The following GTF3C4 variants were observed in gnomAD, a reference collection of about 807,000 sequenced individuals.
The protein encoded by GTF3C4 is general transcription factor IIIC subunit 4.
GTF3C4 carries 28 observed loss-of-function variants against 67.5 expected under a neutral mutation model. The observed-to-expected ratio is 0.41, with a 90% CI of 0.31 to 0.57. GTF3C4 has a LOEUF of 0.57. Among genes scored for constraint, GTF3C4 ranks in the 20% least tolerant of loss-of-function variants. GTF3C4 has a pLI of 0.21. For missense variants in GTF3C4, 831 were observed against 1,033.2 expected, an observed-to-expected ratio of 0.80 and a Z score of 2.68; for synonymous variants, 409 against 393.0, an observed-to-expected ratio of 1.04 and a Z score of -0.48.
intron 1 of GTF3C4, among the ~76,000 whole-genome samples, chr9:132,671,323 C>T (rs888492243): frequency 1.3e-5 from 2 of 152,150 alleles, no homozygotes; most frequent in African/African-American, 4.8e-5. Flanking sequence ...CGGGGCCTGC[C>T]TCTGTCGTTG....
intron 4 of GTF3C4, 132 bp downstream of exon 4, chr9:132,687,459 G>T (rs1237020008): frequency 3.6e-6 from 2 of 557,308 alleles, no homozygotes; most frequent in Non-Finnish European, 6.8e-6. Flanking sequence ...GGGGTGGGGA[G>T]TAGGCCCCTG....
In GTF3C4 at chr9:132,679,747, C is replaced by T. The variant is rs528646416; in HGVS notation, c.2128C>T (p.Arg710Cys). The T allele has an allele frequency of 2.0e-5, 33 of 1,613,818 alleles. No homozygotes were observed. Among genetic ancestry groups the T allele is most frequent in the South Asian group, 1.9e-4 (17 of 91,060 alleles). ...WITENTSIPT[R>C]GLCNFLMSDE... ...CACAGAAAACACTAGCATCCCCACC[C>T]GCGGACTCTGTAACTTTTTAATGTC... The change falls in exon 2 of 5, where the codon CGC becomes TGC. Residue 710 changes from arginine (R) to cysteine (C), a missense_variant. Coordinates refer to ENST00000372146, the MANE Select transcript of GTF3C4 (RefSeq NM_012204.4). This position sits in a 1 kb window ranked among gnomAD's most constrained non-coding sequence, Gnocchi z 5.9.
upstream of GTF3C4, chr9:132,670,190 C>T (rs968189315): frequency 1.1e-5 from 17 of 1,584,588 alleles, no homozygotes; most frequent in Non-Finnish European, 1.4e-5. Context: ...TTACATTCGG[C>T]CGAGAGTTCA....
At position 132,678,283 on chromosome 9, in the gene GTF3C4, A is replaced by G; in HGVS notation, c.664A>G (p.Arg222Gly). Residue 222 changes from arginine (R) to glycine (G), a missense_variant, in exon 2 of 5, where the codon AGG (arginine) becomes GGG (glycine). By Grantham distance (125) the Arg-to-Gly change is moderately radical. Transcript: ENST00000372146. The surrounding 1 kb of genome is among the most constrained non-coding windows in gnomAD (Gnocchi z 6.5). ...AGAACGTCTTTATGAGACCAGTTAC[A>G]GGCTCTCTAAAAATGAGGCCCCGGA... Reference protein sequence around the residue: ...YGERLYETSYRLSKNEAPEGN... With the variant: ...YGERLYETSYGLSKNEAPEGN... The G allele has an allele frequency of 6.2e-7, 1 of 1,614,174 alleles. No individual in the cohort carries two copies. Among genetic ancestry groups the G allele is most frequent in the East Asian group, 2.2e-5 (1 of 44,884 alleles).
chr9:132,678,289 T>C lies in GTF3C4; in HGVS notation c.670T>C (p.Ser224Pro). 2 of 1,614,176 alleles carry C rather than the reference T, an allele frequency of 1.2e-6. No individual in the cohort carries two copies. The highest frequency in any genetic ancestry group is 1.7e-6 in the Non-Finnish European group (2 of 1,180,028). Residue 224 changes from serine to proline, a missense_variant, in exon 2 of 5, where the codon TCT becomes CCT. Ser to Pro is a moderately conservative substitution (Grantham distance 74, BLOSUM62 -1). Transcript: ENST00000372146. This position sits in a 1 kb window ranked among gnomAD's most constrained non-coding sequence, Gnocchi z 6.5. ...ERLYETSYRLSKNEAPEGNLG... is the reference protein window; with the variant it reads ...ERLYETSYRLPKNEAPEGNLG... ...TCTTTATGAGACCAGTTACAGGCTC[T>C]CTAAAAATGAGGCCCCGGAAGGAAA...
intron 1 of GTF3C4, among the ~76,000 whole-genome samples, chr9:132,674,419 C>T (rs1310807393): frequency 1.3e-5 from 2 of 152,172 alleles, no homozygotes; most frequent in Non-Finnish European, 2.9e-5. Flanking sequence ...ACACAAAACC[C>T]TAAGACTTTT....
chr9:132,670,147 G>T (rs1199901250), upstream of GTF3C4: 1 of 1,593,644 alleles, frequency 6.3e-7, no homozygotes, highest in Non-Finnish European at 8.6e-7. Context: ...CCTGGTGGCA[G>T]CCCCTCTCTG....
Position 132,680,772 on chromosome 9 carries a change from G to A in GTF3C4, c.2184+969G>A, listed in dbSNP as rs114767428. Among the ~76,000 whole-genome samples, 923 of 152,318 alleles carry A rather than the reference G, an allele frequency of 6.1e-3. 7 individuals carry two copies. The highest frequency in any genetic ancestry group is 0.021 in the African/African-American group (866 of 41,570). On this transcript the variant is annotated intron_variant, in intron 2 of 4. Coordinates refer to ENST00000372146, the MANE Select transcript of GTF3C4 (RefSeq NM_012204.4). ...TAGAATGTTTGCAATGGTCTTAAGA[G>A]TATTAAGATGCACTGTTCATGTAAC... is the stretch of plus-strand genomic sequence containing the variant.
rs147244890 is a variant in GTF3C4, at chr9:132,684,360, A to T, written c.2315+667A>T. Among the ~76,000 whole-genome samples the T allele has an allele frequency of 1.1e-3, 164 of 152,286 alleles. 1 individual carries two copies. Among genetic ancestry groups the T allele is most frequent in the African/African-American group, 3.9e-3 (163 of 41,564 alleles). ...TCCAACCTTTTGTTCCTACCTCTGCAGCCCTGGTCCAAAACACCATCATCT... is the reference window on the plus strand; with the variant it reads ...TCCAACCTTTTGTTCCTACCTCTGCTGCCCTGGTCCAAAACACCATCATCT... On this transcript the variant is annotated intron_variant, in intron 3 of 4. Coordinates refer to ENST00000372146, the MANE Select transcript of GTF3C4 (RefSeq NM_012204.4).
intron 3 of GTF3C4, among the ~76,000 whole-genome samples, chr9:132,684,690 G>A (rs768237389): frequency 4.6e-5 from 7 of 152,062 alleles, no homozygotes; most frequent in African/African-American, 1.2e-4. Flanking sequence ...ACCTCAGGAC[G>A]TCTACACTGG....
chr9:132,672,848 C>T (rs1222912480), intron 1 of GTF3C4, among the ~76,000 whole-genome samples: 1 of 152,182 alleles, frequency 6.6e-6, no homozygotes, highest in Non-Finnish European at 1.5e-5. Context: ...CACATAATCA[C>T]TTGGCCCAGT....
rs1836171952 is a variant in GTF3C4 at position 132,694,796 on chromosome 9, A to C, written c.*5851A>C. On this transcript the variant is annotated 3_prime_UTR_variant, in exon 5 of 5. Coordinates refer to ENST00000372146, the MANE Select transcript of GTF3C4 (RefSeq NM_012204.4). ...AATTGCTTACATGATTCTGGTACTT[A>C]GAGTCTAATAGAGTTGCTGTGAATA... 1 of 152,218 alleles carries C rather than the reference A, an allele frequency of 6.6e-6. No homozygotes were observed. Among genetic ancestry groups the C allele is most frequent in the South Asian group, 2.1e-4 (1 of 4,838 alleles). 9.4% of individuals were successfully genotyped at this position (152,218 alleles called of 1,614,324 possible). A position where few individuals can be genotyped will look rare whatever the true frequency, so the allele number is the denominator to read the frequency against.
In GTF3C4 at chr9:132,689,657, C is replaced by T. The variant is rs1180727673; in HGVS notation, c.*712C>T. On this transcript the variant is annotated 3_prime_UTR_variant, in exon 5 of 5. Transcript: ENST00000372146. ...GTCATCAGGTTTCCTGACCCAACTC[C>T]TTAATCCGTATAAAGATGTCAAATA... The T allele has an allele frequency of 6.6e-6, 1 of 152,208 alleles. No individual in the cohort carries two copies. Among genetic ancestry groups the T allele is most frequent in the Non-Finnish European group, 1.5e-5 (1 of 68,088 alleles). The allele number at this position is 152,208 out of a possible 1,614,324, so 9.4% of individuals were successfully genotyped here.
rs565401454 is a variant in GTF3C4, at chr9:132,676,787, A to G, written c.358-1190A>G. The stretch of plus-strand genomic sequence containing the variant: ...AGGCTTGAACATTTAAACTCATTCA[A>G]GTGACTTTTATTATATCCATGTGTG... On this transcript the variant is annotated intron_variant, in intron 1 of 4. Coordinates refer to ENST00000372146, the MANE Select transcript of GTF3C4 (RefSeq NM_012204.4). Among the ~76,000 whole-genome samples, 6 of 152,300 alleles carry G rather than the reference A, an allele frequency of 3.9e-5. No individual in the cohort carries two copies. The East Asian group carries it at 5.8e-4, about 15-fold the overall frequency.
rs142354118 is a variant in GTF3C4, at chr9:132,681,553, A to G, written c.2184+1750A>G. On this transcript the variant is annotated intron_variant, in intron 2 of 4. Coordinates refer to ENST00000372146, the MANE Select transcript of GTF3C4 (RefSeq NM_012204.4). ...AACTAGCATTTTTTAACCTTTTTAAATTATCACTCCCCCCCGAACATTTTT... is the reference window on the plus strand; with the variant it reads ...AACTAGCATTTTTTAACCTTTTTAAGTTATCACTCCCCCCCGAACATTTTT... 2.6e-5 allele frequency among the ~76,000 whole-genome samples: 4 copies of G among 152,258 alleles called. No homozygotes were observed. In the East Asian group the frequency reaches 7.7e-4, roughly 29 times the overall value.
At position 132,686,648 on chromosome 9, in the gene GTF3C4, TC is replaced by T. The variant is rs770205805; in HGVS notation, c.2316-589del. ...TTGAACCTGTGAACATTTGTTAGTGTCCTGTCATTTTTTTGCACCATTAATT... is the reference window on the plus strand; with the variant it reads ...TTGAACCTGTGAACATTTGTTAGTGTCTGTCATTTTTTTGCACCATTAATT... On this transcript the variant is annotated intron_variant, in intron 3 of 4. Coordinates refer to ENST00000372146, the MANE Select transcript of GTF3C4 (RefSeq NM_012204.4). Among the ~76,000 whole-genome samples the T allele has an allele frequency of 5.9e-5, 9 of 152,224 alleles. No individual in the cohort carries two copies. In the East Asian group the frequency reaches 1.7e-3, roughly 29 times the overall value.
intron 2 of GTF3C4, among the ~76,000 whole-genome samples, chr9:132,683,018 C>A (rs1468721123): frequency 6.6e-6 from 1 of 152,166 alleles, no homozygotes; most frequent in Non-Finnish European, 1.5e-5. Flanking sequence ...TCTTGCCATG[C>A]CTCTGCAGTG....
rs1311760361 is a variant in GTF3C4 at position 132,670,790 on chromosome 9, G to T, written c.192G>T (p.Val64=). The part of the protein sequence containing the change: ...REPAVKLQYA[V]SGLEPLAWSE... ...CGGCCGTGAAGCTGCAGTATGCGGTGAGCGGCCTGGAACCGCTGGCTTGGT... is the reference window on the plus strand; with the variant it reads ...CGGCCGTGAAGCTGCAGTATGCGGTTAGCGGCCTGGAACCGCTGGCTTGGT... Residue 64 remains valine (V), a synonymous_variant, in exon 1 of 5, where the codon GTG becomes GTT. Coordinates refer to ENST00000372146, the MANE Select transcript of GTF3C4 (RefSeq NM_012204.4). 4 of 1,593,954 alleles carry T rather than the reference G, an allele frequency of 2.5e-6. No individual in the cohort carries two copies. The East Asian group carries it at 9.1e-5, about 36-fold the overall frequency.
rs1035654620 is a variant in GTF3C4 at position 132,694,257 on chromosome 9, T to G, written c.*5312T>G. ...CCTCAAGGGCAGGAATTGTTTTATC[T>G]TTGTTGTTCCTGCAGCACCTAATGT... On this transcript the variant is annotated 3_prime_UTR_variant, in exon 5 of 5. Coordinates refer to ENST00000372146, the MANE Select transcript of GTF3C4 (RefSeq NM_012204.4). The G allele has an allele frequency of 2.6e-5, 4 of 152,262 alleles. No homozygotes were observed. Among genetic ancestry groups the G allele is most frequent in the African/African-American group, 9.6e-5 (4 of 41,470 alleles). The allele number at this position is 152,262 out of a possible 1,614,324, so 9.4% of individuals were successfully genotyped here.
Sources: allele counts gnomAD v4.1 joint callset (sites outside exome capture counted in the v4.1 genomes callset), GRCh38; gene constraint gnomAD v4.1.1; non-coding constraint Gnocchi (gnomAD v3.1); transcripts MANE v1.5; gene names NCBI Gene and HGNC (gene_info 2026-07-23, HGNC 2026-07-21).